The following PRKAG2 variants were observed in gnomAD, a reference collection of about 807,000 sequenced individuals.
PRKAG2 encodes 5'-AMP-activated protein kinase subunit gamma-2.
Under a neutral mutation model 69.6 loss-of-function variants are expected in PRKAG2, and 26 were observed. The observed-to-expected ratio is 0.37, with a 90% CI of 0.27 to 0.52. The LOEUF (loss-of-function observed/expected upper bound fraction) is 0.52. Ranked by LOEUF, PRKAG2 falls within the 20% of genes least tolerant of loss-of-function variation. The pLI is 0.90. For missense variants in PRKAG2, 557 were observed against 740.0 expected (o/e 0.75, Z 2.87); for synonymous variants, 293 against 285.0 (o/e 1.03, Z -0.28).
intron 6 of PRKAG2, 28 bp downstream of exon 6, chr7:151,595,317 A>C (rs1814219906): frequency 5.1e-6 from 8 of 1,571,544 alleles, no homozygotes; most frequent in Non-Finnish European, 7.0e-6. Flanking sequence ...AAAATACCAA[A>C]AAATTCATGA....
At position 151,556,798 on chromosome 7, in the gene PRKAG2, C is replaced by T. The variant is rs182421976; in HGVS notation, c.*403G>A. 26 of 198,478 alleles carry T rather than the reference C, an allele frequency of 1.3e-4. No individual in the cohort carries two copies. The highest frequency in any genetic ancestry group is 5.2e-4 in the African/African-American group (22 of 42,634). 12.3% of individuals were successfully genotyped at this position (198,478 alleles called of 1,614,324 possible). On this transcript the variant is annotated 3_prime_UTR_variant, in exon 16 of 16. Coordinates refer to ENST00000287878, the MANE Select transcript of PRKAG2 (RefSeq NM_016203.4). ...TTCAAGCTCGGTGTTGTTTCACACG[C>T]GTGCGCCCCGGCTGCGGCGGTGACA...
intron 1 of PRKAG2, among the ~76,000 whole-genome samples, chr7:151,874,332 T>C (rs1322081602): frequency 1.9e-5 from 2 of 107,116 alleles, no homozygotes; most frequent in East Asian, 4.5e-4. Flanking sequence ...TATATGTATA[T>C]GATGTATATG....
At position 151,826,188 on chromosome 7, in the gene PRKAG2, G is replaced by T. The variant is rs1192264479; in HGVS notation, c.115-39647C>A. Among the ~76,000 whole-genome samples, 106 of 149,268 alleles carry T rather than the reference G, an allele frequency of 7.1e-4. No individual in the cohort carries two copies. In the South Asian group the frequency reaches 0.013, roughly 18 times the overall value. On this transcript the variant is annotated intron_variant, in intron 1 of 15. Coordinates refer to ENST00000287878, the MANE Select transcript of PRKAG2 (RefSeq NM_016203.4). Reference sequence around the variant, plus strand: ...TTCCAGTTCCACTTTTTTTTTTGTTGTTGTTTTTTTTTGACAGAGTCTTGC... The same window carrying T: ...TTCCAGTTCCACTTTTTTTTTTGTTTTTGTTTTTTTTTGACAGAGTCTTGC...
intron 8 of PRKAG2, among the ~76,000 whole-genome samples, chr7:151,573,061 C>T (rs979389830): frequency 6.6e-6 from 1 of 151,436 alleles, no homozygotes; most frequent in African/African-American, 2.4e-5. Context: ...TGCAGTGAGC[C>T]GAGATGGTAC....
At chr7:151,767,201 T>C (rs2075780445) in intron 3 of PRKAG2, among the ~76,000 whole-genome samples, 1 of 152,160 alleles carries the variant, frequency 6.6e-6, no homozygotes, top group Non-Finnish European at 1.5e-5. Context: ...AACAGACGCA[T>C]GGAACAGACC....
intron 1 of PRKAG2, among the ~76,000 whole-genome samples, chr7:151,834,697 A>G (rs1276777829): frequency 2.0e-5 from 3 of 152,224 alleles, no homozygotes; most frequent in Non-Finnish European, 2.9e-5. Flanking sequence ...GAGAGGTTTA[A>G]GCCCCCACCC....
intron 3 of PRKAG2, among the ~76,000 whole-genome samples, chr7:151,775,501 A>G (rs73160007): frequency 2.2e-3 from 342 of 152,206 alleles, no homozygotes; most frequent in Non-Finnish European, 3.9e-3. Context: ...TCCTTCCAAC[A>G]CATTGTTTGC....
chr7:151,610,285 C>T (rs1818467222), intron 5 of PRKAG2, among the ~76,000 whole-genome samples: 2 of 152,140 alleles, frequency 1.3e-5, no homozygotes, highest in African/African-American at 2.4e-5. Context: ...GGGAGAATGG[C>T]GTCAACCTGG....
chr7:151,853,965 A>G (rs2079643267), intron 1 of PRKAG2, among the ~76,000 whole-genome samples: 1 of 151,962 alleles, frequency 6.6e-6, no homozygotes, highest in East Asian at 1.9e-4. Context: ...AATAGAATCC[A>G]GGCCCCCTTT....
chr7:151,563,257 T>C (rs907173950), intron 14 of PRKAG2, among the ~76,000 whole-genome samples: 20 of 152,330 alleles, frequency 1.3e-4, no homozygotes, highest in African/African-American at 4.3e-4. Context: ...AGGAGTCATC[T>C]TGTGAAGGAA....
intron 2 of PRKAG2, among the ~76,000 whole-genome samples, chr7:151,783,141 T>C (rs559578029): frequency 2.6e-5 from 4 of 152,064 alleles, no homozygotes; most frequent in Non-Finnish European, 5.9e-5. Flanking sequence ...CCCGGGAGGA[T>C]AGGATGCCCG....
chr7:151,641,403 A>C (rs1288230453), intron 4 of PRKAG2, among the ~76,000 whole-genome samples: 3 of 151,578 alleles, frequency 2.0e-5, no homozygotes, highest in Non-Finnish European at 4.4e-5. Context: ...GCACACCACC[A>C]CACCCAGCAA....
chr7:151,836,641 TCCTGTC>T lies in PRKAG2; in HGVS notation c.114+39860_114+39865del, dbSNP rs1365765800. Among the ~76,000 whole-genome samples, 1 of 152,188 alleles carries T rather than the reference TCCTGTC, an allele frequency of 6.6e-6. No individual in the cohort carries two copies. The highest frequency in any genetic ancestry group is 1.5e-5 in the Non-Finnish European group (1 of 68,030). On this transcript the variant is annotated intron_variant, in intron 1 of 15. Coordinates refer to ENST00000287878, the MANE Select transcript of PRKAG2 (RefSeq NM_016203.4). This position sits in a 1 kb window ranked among gnomAD's most constrained non-coding sequence, Gnocchi z 4.1. ...GGCTGTCCCAGCTGTGCCTCTGGCC[TCCTGTC>T]TGGGTGCAGCCTTAGCGGGGCACAG... is the stretch of plus-strand genomic sequence containing the variant.
chr7:151,832,235 AGGAGGAGGGAAGGAAG>A (rs71198734), intron 1 of PRKAG2, among the ~76,000 whole-genome samples: 68,042 of 105,306 alleles, frequency 0.65, 19,000 homozygotes, highest in South Asian at 0.78. Flanking sequence ...AGGGAAGGAG[AGGAGGAGGGAAGGAAG>A]GGAGGAGGGA....
chr7:151,740,436 C>A (rs1447815405), intron 3 of PRKAG2, among the ~76,000 whole-genome samples: 1 of 138,038 alleles, frequency 7.2e-6, no homozygotes, highest in African/African-American at 2.7e-5. Context: ...CGAGTTACTG[C>A]ACCAGTCCTA....
intron 3 of PRKAG2, among the ~76,000 whole-genome samples, chr7:151,760,378 A>G (rs2075342569): frequency 6.6e-6 from 1 of 152,196 alleles, no homozygotes; most frequent in Non-Finnish European, 1.5e-5. Flanking sequence ...CTGGGATTAC[A>G]GGCACCCACC....
intron 1 of PRKAG2, among the ~76,000 whole-genome samples, chr7:151,861,527 C>CAAAAAAAAAAA (rs1563762540): frequency 1.3e-4 from 8 of 60,388 alleles, no homozygotes; most frequent in East Asian, 6.9e-4. Context: ...GACTCTGTCT[C>CAAAAAAAAAAA]CAAAAAAAAA....
intron 3 of PRKAG2, among the ~76,000 whole-genome samples, chr7:151,767,798 T>A (rs2075816734): frequency 6.6e-6 from 1 of 152,230 alleles, no homozygotes; most frequent in Non-Finnish European, 1.5e-5. Flanking sequence ...TGAAACCAAA[T>A]GTTTCTGTCT....
chr7:151,576,479 A>C (rs769668291), intron 6 of PRKAG2, 27 bp from the exon 7 acceptor site: 104 of 1,534,028 alleles, frequency 6.8e-5, no homozygotes, highest in Non-Finnish European at 9.4e-5. Flanking sequence ...GAAACAAAAC[A>C]TACTTTCAAA....
Sources: allele counts gnomAD v4.1 joint callset (sites outside exome capture counted in the v4.1 genomes callset), GRCh38; gene constraint gnomAD v4.1.1; non-coding constraint Gnocchi (gnomAD v3.1); transcripts MANE v1.5; gene names NCBI Gene and HGNC (gene_info 2026-07-23, HGNC 2026-07-21).